Variants in AGBL1 observed in about 807,000 individuals in gnomAD.
AGBL1 encodes the protein AGBL carboxypeptidase 1, also known as cytosolic carboxypeptidase 4.
A neutral mutation model predicts 118.9 loss-of-function variants in AGBL1; 130 were observed. The ratio of observed to expected loss-of-function variants is 1.09; its 90% confidence interval spans 0.95 to 1.26. AGBL1 has a LOEUF of 1.26. Ranked by LOEUF, AGBL1 falls within the 50% of genes most tolerant of loss-of-function variation. AGBL1 has a pLI of 0.00. For missense variants in AGBL1, 1,584 were observed against 1,298.1 expected, an observed-to-expected ratio of 1.22 and a Z score of -3.38; for synonymous variants, 555 against 478.9, an observed-to-expected ratio of 1.16 and a Z score of -2.08.
intron 18 of AGBL1, among the ~76,000 whole-genome samples, chr15:86,501,134 T>C (rs1409759671): frequency 6.6e-6 from 1 of 151,720 alleles, no homozygotes; most frequent in African/African-American, 2.4e-5. Flanking sequence ...ACCAGCAATA[T>C]ATATGAGTTT....
chr15:86,422,219 C>G (rs2081800961), intron 18 of AGBL1, among the ~76,000 whole-genome samples: 1 of 152,022 alleles, frequency 6.6e-6, no homozygotes, highest in African/African-American at 2.4e-5. Context: ...GCAGCAAACG[C>G]AAAAGAATGG....
intron 1 of AGBL1, among the ~76,000 whole-genome samples, chr15:86,100,269 G>T (rs766308733): frequency 6.6e-6 from 1 of 152,096 alleles, no homozygotes; most frequent in African/African-American, 2.4e-5. Flanking sequence ...TGTTCTTCTG[G>T]AATGTTGGCA....
At chr15:86,477,165 G>A (rs1193358295) in intron 18 of AGBL1, among the ~76,000 whole-genome samples, 2 of 151,824 alleles carry the variant, frequency 1.3e-5, no homozygotes, top group African/African-American at 4.8e-5. Flanking sequence ...CATCACAATT[G>A]AAAGAACTAG....
intron 18 of AGBL1, among the ~76,000 whole-genome samples, chr15:86,499,375 G>T (rs147158085): frequency 1.4e-4 from 21 of 151,968 alleles, no homozygotes; most frequent in African/African-American, 4.6e-4. Flanking sequence ...AATAATATGG[G>T]TTTGAGAAGG....
chr15:86,425,559 C>A (rs2081856554), intron 18 of AGBL1, among the ~76,000 whole-genome samples: 1 of 151,916 alleles, frequency 6.6e-6, no homozygotes, highest in Admixed American at 6.6e-5. Flanking sequence ...CAGCAAAATT[C>A]CAGACTATTA....
chr15:86,580,075 T>A (rs1205918419), intron 21 of AGBL1, among the ~76,000 whole-genome samples: 1 of 152,192 alleles, frequency 6.6e-6, no homozygotes, highest in East Asian at 1.9e-4. Context: ...CATGGCCAAT[T>A]TCTTCTGTGA....
At chr15:86,416,080 C>T (rs1383654280) in intron 18 of AGBL1, among the ~76,000 whole-genome samples, 1 of 152,032 alleles carries the variant, frequency 6.6e-6, no homozygotes, top group Non-Finnish European at 1.5e-5. Context: ...AAGAATGGCC[C>T]ACTCTTTCAG....
chr15:86,829,371 G>A (rs2079074157), intron 22 of AGBL1, among the ~76,000 whole-genome samples: 1 of 152,160 alleles, frequency 6.6e-6, no homozygotes, highest in South Asian at 2.1e-4. Context: ...GGCTCAGAAT[G>A]CAATGCAGGC....
chr15:86,224,526 T>G (rs1268227153), intron 5 of AGBL1, among the ~76,000 whole-genome samples: 1 of 152,104 alleles, frequency 6.6e-6, no homozygotes, highest in Non-Finnish European at 1.5e-5. Flanking sequence ...GCCCCACTCC[T>G]TCCCAGACCA....
In AGBL1 at chr15:86,572,971, A is replaced by G. The variant is rs1281970257; in HGVS notation, c.2994+18434A>G. 3.3e-5 allele frequency among the ~76,000 whole-genome samples: 5 copies of G among 152,246 alleles called. 1 individual carries two copies. In the East Asian group the frequency reaches 9.6e-4, roughly 29 times the overall value. ...AAGAATCATCTCTATTTCTAACAGT[A>G]AGCAATAATTCTGTTTATATGCTTG... On this transcript the variant is annotated intron_variant, in intron 21 of 22. Transcript: ENST00000614907.
chr15:86,893,376 C>T lies in AGBL1; in HGVS notation c.3159-13711C>T, dbSNP rs79070002. 9.7e-3 allele frequency among the ~76,000 whole-genome samples: 1,478 copies of T among 152,284 alleles called. 66 individuals are homozygous for T. In the East Asian group the frequency reaches 0.15, roughly 15 times the overall value. On this transcript the variant is annotated intron_variant, in intron 22 of 22. Coordinates refer to ENST00000614907, the MANE Select transcript of AGBL1 (RefSeq NM_001386094.1). ...AGAATCCGCAAAACTGCGTTTAAAT[C>T]ACCATCAACATTAAGGAATGCCACA...
At chr15:86,137,385 C>T (rs1379338944) in intron 1 of AGBL1, among the ~76,000 whole-genome samples, 3 of 152,070 alleles carry the variant, frequency 2.0e-5, no homozygotes, top group Non-Finnish European at 2.9e-5. Context: ...GAAGAGAGCA[C>T]GTGGAGGTGT....
chr15:86,117,806 C>T (rs572698920), intron 1 of AGBL1, among the ~76,000 whole-genome samples: 1 of 152,198 alleles, frequency 6.6e-6, no homozygotes, highest in South Asian at 2.1e-4. Flanking sequence ...GATAGAAGAA[C>T]ATCATGGTTT....
chr15:86,676,796 G>T (rs941877149), intron 22 of AGBL1, among the ~76,000 whole-genome samples: 1 of 152,040 alleles, frequency 6.6e-6, no homozygotes, highest in Admixed American at 6.5e-5. Context: ...TTCTCCAAAG[G>T]TCTGCCCTAA....
chr15:86,745,884 G>A (rs565948227), intron 22 of AGBL1, among the ~76,000 whole-genome samples: 1 of 152,144 alleles, frequency 6.6e-6, no homozygotes, highest in East Asian at 1.9e-4. Flanking sequence ...ATAGATTTGG[G>A]ACAGAAACTC....
At chr15:86,451,157 T>C (rs2082187595) in intron 18 of AGBL1, among the ~76,000 whole-genome samples, 1 of 152,174 alleles carries the variant, frequency 6.6e-6, no homozygotes, top group Non-Finnish European at 1.5e-5. Context: ...ATGCCTGAAC[T>C]GGTTAGACAC....
At chr15:86,750,511 G>A (rs377035259) in intron 22 of AGBL1, among the ~76,000 whole-genome samples, 1 of 151,570 alleles carries the variant, frequency 6.6e-6, no homozygotes, top group East Asian at 1.9e-4. Context: ...AATTGTAGTT[G>A]TTTGTTTTTG....
chr15:86,759,744 G>T (rs147930289), intron 22 of AGBL1, among the ~76,000 whole-genome samples: 2 of 152,134 alleles, frequency 1.3e-5, no homozygotes, highest in Admixed American at 1.3e-4. Flanking sequence ...ATTGTTTTAA[G>T]GAAAGAAAAC....
chr15:86,316,246 G>A (rs1322763948), intron 17 of AGBL1, among the ~76,000 whole-genome samples: 9 of 152,198 alleles, frequency 5.9e-5, no homozygotes, highest in African/African-American at 2.2e-4. Flanking sequence ...CTGTTTCCGA[G>A]TTGAAATAAA....
Sources: gnomAD v4.1 joint callset for allele counts (sites outside exome capture counted in the v4.1 genomes callset) on GRCh38, gnomAD v4.1.1 for gene constraint, MANE v1.5 for transcripts, NCBI Gene and HGNC (gene_info 2026-07-23, HGNC 2026-07-21) for gene names.